Variants in SLC35G2 observed in about 807,000 individuals in gnomAD.
SLC35G2 encodes solute carrier family 35 member G2, also known as transmembrane protein 22.
SLC35G2 carries 20 observed loss-of-function variants against 27.2 expected under a neutral mutation model. That is an observed-to-expected ratio of 0.74 (90% CI 0.52 to 1.07). The LOEUF is 1.07. Among genes scored for constraint, SLC35G2 ranks in the 50% least tolerant of loss-of-function variants. The pLI is 0.00. For synonymous variants in SLC35G2, 148 were observed against 165.3 expected, an observed-to-expected ratio of 0.90 and a Z score of 0.80; for missense variants, 416 against 493.3, an observed-to-expected ratio of 0.84 and a Z score of 1.48.
intron 1 of SLC35G2, among the ~76,000 whole-genome samples, chr3:136,833,547 G>C (rs1200636172): frequency 6.6e-6 from 1 of 152,120 alleles, no homozygotes; most frequent in Non-Finnish European, 1.5e-5. Context: ...GTGTGTTCAC[G>C]AATGGTTTCA....
At chr3:136,832,883 A>G (rs1290445826) in intron 1 of SLC35G2, among the ~76,000 whole-genome samples, 3 of 152,174 alleles carry the variant, frequency 2.0e-5, no homozygotes, top group South Asian at 4.1e-4. Flanking sequence ...CCTGGCTAAC[A>G]TGGGGAAACC....
At chr3:136,845,063 T>C (rs1937311386) in intron 1 of SLC35G2, among the ~76,000 whole-genome samples, 1 of 152,194 alleles carries the variant, frequency 6.6e-6, no homozygotes, top group South Asian at 2.1e-4. Context: ...TTTAATGACA[T>C]GGAAATGTTT....
At chr3:136,840,994 G>T (rs1485891824) in intron 1 of SLC35G2, among the ~76,000 whole-genome samples, 1 of 144,436 alleles carries the variant, frequency 6.9e-6, no homozygotes, top group African/African-American at 2.6e-5. Flanking sequence ...ATAGTGATGC[G>T]ATTTTGTTTT....
intron 1 of SLC35G2, among the ~76,000 whole-genome samples, chr3:136,840,533 C>T (rs1937042458): frequency 6.7e-6 from 1 of 150,194 alleles, no homozygotes; most frequent in Non-Finnish European, 1.5e-5. Context: ...TCTCTCCCTC[C>T]CTCCCTCTCT....
intron 1 of SLC35G2, among the ~76,000 whole-genome samples, chr3:136,821,692 A>G (rs1484691731): frequency 6.6e-6 from 1 of 152,242 alleles, no homozygotes; most frequent in Non-Finnish European, 1.5e-5. Context: ...TTGGCTTCCC[A>G]AAGTGCCAGG....
rs557290384 is a variant in SLC35G2 at position 136,823,745 on chromosome 3, G to A, written c.-19+4117G>A. On this transcript the variant is annotated intron_variant, in intron 1 of 1. Transcript: ENST00000446465. ...TGAGTAGCTGGGATTACAGGCGCGC[G>A]CCACCACACCTGGCTAATTTTTTTT... Among the ~76,000 whole-genome samples the A allele has an allele frequency of 8.2e-5, 12 of 147,000 alleles. No individual in the cohort carries two copies. The South Asian group carries it at 1.1e-3, about 13-fold the overall frequency.
intron 1 of SLC35G2, among the ~76,000 whole-genome samples, chr3:136,826,094 T>G (rs1187532954): frequency 6.6e-6 from 1 of 151,854 alleles, no homozygotes; most frequent in Non-Finnish European, 1.5e-5. Flanking sequence ...TGGAGTACAG[T>G]GGCGCGATCT....
intron 1 of SLC35G2, among the ~76,000 whole-genome samples, chr3:136,849,968 G>A (rs371521680): frequency 5.9e-5 from 9 of 152,108 alleles, no homozygotes; most frequent in African/African-American, 1.7e-4. Context: ...TTAGCCAGGC[G>A]TAGTGGCACA....
At chr3:136,833,698 G>C (rs1936793270) in intron 1 of SLC35G2, among the ~76,000 whole-genome samples, 1 of 152,138 alleles carries the variant, frequency 6.6e-6, no homozygotes, top group Non-Finnish European at 1.5e-5. Context: ...ACAGGAGGTA[G>C]AACTCAGGCA....
chr3:136,843,714 C>A (rs1050287449), intron 1 of SLC35G2, among the ~76,000 whole-genome samples: 2 of 151,848 alleles, frequency 1.3e-5, no homozygotes, highest in South Asian at 4.2e-4. Context: ...GGGAGGATCA[C>A]CTGAGGTCAC....
chr3:136,842,122 T>C (rs1250021720), intron 1 of SLC35G2: 1 of 152,220 alleles, frequency 6.6e-6, no homozygotes, highest in African/African-American at 2.4e-5. Flanking sequence ...TTTATTGCTC[T>C]TGAGTTCAAA....
chr3:136,828,949 C>A (rs1289180252), intron 1 of SLC35G2, among the ~76,000 whole-genome samples: 1 of 152,050 alleles, frequency 6.6e-6, no homozygotes, highest in Non-Finnish European at 1.5e-5. Flanking sequence ...TGTCTTATAA[C>A]CCACTATTTT....
At position 136,855,234 on chromosome 3, in the gene SLC35G2, C is replaced by A; in HGVS notation, c.774C>A (p.Tyr258Ter). ...ATGCCTGGAAAGAAGCCTTTGGGTA[C>A]ACCATGACTGTGATGGCTGGACTGA... ...LLNAWKEAFG[Y>*]TMTVMAGLTT... is the part of the protein sequence containing the mutation. Residue 258 changes from tyrosine to a stop codon, truncating the protein, a stop_gained, in exon 2 of 2, where the codon TAC becomes TAA. Transcript: ENST00000446465. LOFTEE classifies it high-confidence loss of function. The A allele has an allele frequency of 6.2e-7, 1 of 1,614,206 alleles. No individual in the cohort carries two copies. Among genetic ancestry groups the A allele is most frequent in the East Asian group, 2.2e-5 (1 of 44,878 alleles).
chr3:136,820,840 G>C (rs1422468111), intron 1 of SLC35G2, among the ~76,000 whole-genome samples: 3 of 152,092 alleles, frequency 2.0e-5, no homozygotes, highest in Non-Finnish European at 2.9e-5. Context: ...GAGCAATTAA[G>C]TATTTATACT....
At chr3:136,828,613 T>C (rs1017294275) in intron 1 of SLC35G2, among the ~76,000 whole-genome samples, 5 of 152,250 alleles carry the variant, frequency 3.3e-5, no homozygotes, top group African/African-American at 1.2e-4. Flanking sequence ...TTATTATTTT[T>C]GGTCTATGTG....
chr3:136,849,952 C>G (rs1054915869), intron 1 of SLC35G2, among the ~76,000 whole-genome samples: 1 of 151,792 alleles, frequency 6.6e-6, no homozygotes, highest in African/African-American at 2.4e-5. Context: ...CAAAAAAATA[C>G]AAAAATTAGC....
Position 136,819,322 on chromosome 3 carries a change from GCGTTTAGCCGC to G in SLC35G2, c.-323_-313del. ...AGCGGACCCCGAACTCCACACACCC[GCGTTTAGCCGC>G]CACACCTAAGGGGCACAACAGTCTT... is the stretch of plus-strand genomic sequence containing the variant. On this transcript the variant is annotated 5_prime_UTR_variant, in exon 1 of 2. The change abolishes the stop of an existing upstream ORF in the 5' untranslated region. Coordinates refer to ENST00000446465, the MANE Select transcript of SLC35G2 (RefSeq NM_025246.3). 1 of 152,304 alleles carries G rather than the reference GCGTTTAGCCGC, an allele frequency of 6.6e-6. No homozygotes were observed. Among genetic ancestry groups the G allele is most frequent in the Non-Finnish European group, 1.5e-5 (1 of 68,094 alleles). The allele number at this position is 152,304 out of a possible 1,614,324, so 9.4% of individuals were successfully genotyped here. A position where few individuals can be genotyped will look rare whatever the true frequency, so the allele number is the denominator to read the frequency against.
chr3:136,839,905 C>T (rs915191264), intron 1 of SLC35G2, among the ~76,000 whole-genome samples: 1 of 152,156 alleles, frequency 6.6e-6, no homozygotes, highest in African/African-American at 2.4e-5. Context: ...CCCTCATCTC[C>T]AAGTCCCTTA....
At chr3:136,846,383 T>G (rs1298946845) in intron 1 of SLC35G2, 1 of 152,248 alleles carries the variant, frequency 6.6e-6, no homozygotes, top group East Asian at 1.9e-4. Context: ...CTGTGCATAC[T>G]TTTAATTCAT....
Sources: allele counts gnomAD v4.1 joint callset (sites outside exome capture counted in the v4.1 genomes callset), GRCh38; gene constraint gnomAD v4.1.1; transcripts MANE v1.5; gene names NCBI Gene and HGNC (gene_info 2026-07-23, HGNC 2026-07-21).